Variants in CENPP observed in about 807,000 individuals in gnomAD.
The protein encoded by CENPP is centromere protein P.
Under a neutral mutation model 35.6 loss-of-function variants are expected in CENPP, and 24 were observed. The ratio of observed to expected loss-of-function variants is 0.67; its 90% CI spans 0.49 to 0.95. The LOEUF (loss-of-function observed/expected upper bound fraction) is 0.95, where lower values mean the gene tolerates loss of function less well. CENPP is among the 40% of genes least tolerant of loss of function. The probability of loss-of-function intolerance (pLI) is 0.00; values close to 1 mark genes in which losing one functional copy is unlikely to be tolerated. For missense variants in CENPP, 332 were observed against 345.3 expected, an observed-to-expected ratio of 0.96 and a Z score of 0.31; for synonymous variants, 120 against 125.5, an observed-to-expected ratio of 0.96 and a Z score of 0.29.
intron 5 of CENPP, among the ~76,000 whole-genome samples, chr9:92,538,018 G>T (rs971762674): frequency 6.6e-6 from 1 of 152,106 alleles, no homozygotes; most frequent in Non-Finnish European, 1.5e-5. Context: ...AGGGAAAACA[G>T]AAACTCTCCT....
intron 5 of CENPP, among the ~76,000 whole-genome samples, chr9:92,491,008 A>T (rs1327760047): frequency 1.3e-5 from 2 of 152,134 alleles, no homozygotes; most frequent in Admixed American, 1.3e-4. Context: ...TGACTGGGAG[A>T]TAAAGGAGAT....
chr9:92,491,413 A>G (rs1056151699), intron 5 of CENPP, among the ~76,000 whole-genome samples: 1 of 152,164 alleles, frequency 6.6e-6, no homozygotes, highest in African/African-American at 2.4e-5. Context: ...TCAGATGGAC[A>G]CTGCAGTGAA....
intron 5 of CENPP, among the ~76,000 whole-genome samples, chr9:92,580,130 C>G (rs1371612931): frequency 6.6e-6 from 1 of 152,114 alleles, no homozygotes; most frequent in East Asian, 1.9e-4. Flanking sequence ...ATTGAACCAG[C>G]CTTGCATCCC....
intron 5 of CENPP, among the ~76,000 whole-genome samples, chr9:92,544,433 A>T (rs780457058): frequency 2.0e-5 from 3 of 152,196 alleles, no homozygotes; most frequent in Non-Finnish European, 4.4e-5. Flanking sequence ...CCACGATTGC[A>T]CCACTGCACT....
chr9:92,595,335 G>A (rs1205161262), intron 5 of CENPP, among the ~76,000 whole-genome samples: 1 of 151,966 alleles, frequency 6.6e-6, no homozygotes, highest in Non-Finnish European at 1.5e-5. Flanking sequence ...TCAACCACCT[G>A]GGATCAACTG....
chr9:92,399,253 A>C (rs542014108), intron 5 of CENPP, among the ~76,000 whole-genome samples: 8 of 152,134 alleles, frequency 5.3e-5, no homozygotes, highest in Non-Finnish European at 1.0e-4. Flanking sequence ...TTTTTCAATC[A>C]GATAGGTTAA....
At chr9:92,328,300 T>C (rs577296830) in intron 1 of CENPP, among the ~76,000 whole-genome samples, 4 of 152,324 alleles carry the variant, frequency 2.6e-5, no homozygotes, top group African/African-American at 9.6e-5. Context: ...GGAACCTATG[T>C]ACCAAGCTAT....
At chr9:92,386,718 T>A (rs1247753987) in intron 5 of CENPP, among the ~76,000 whole-genome samples, 1 of 152,158 alleles carries the variant, frequency 6.6e-6, no homozygotes, top group Non-Finnish European at 1.5e-5. Flanking sequence ...CACCAATTTC[T>A]AGCTAAGTGG....
intron 5 of CENPP, among the ~76,000 whole-genome samples, chr9:92,577,292 T>C (rs1850306597): frequency 6.6e-6 from 1 of 152,138 alleles, no homozygotes; most frequent in Non-Finnish European, 1.5e-5. Context: ...GGCAGGCTGA[T>C]CACTTGAGGC....
intron 5 of CENPP, among the ~76,000 whole-genome samples, chr9:92,553,067 C>T (rs557117903): frequency 6.6e-6 from 1 of 151,234 alleles, no homozygotes; most frequent in East Asian, 1.9e-4. Context: ...GTCTTTAATC[C>T]ATCTTGAGTT....
intron 5 of CENPP, among the ~76,000 whole-genome samples, chr9:92,596,784 C>T (rs1850795341): frequency 6.6e-6 from 1 of 152,046 alleles, no homozygotes; most frequent in African/African-American, 2.4e-5. Flanking sequence ...CTGGGCCCCA[C>T]TGTGGCTTTT....
chr9:92,515,313 G>A, intron 5 of CENPP: 2 of 1,285,276 alleles, frequency 1.6e-6, no homozygotes, highest in East Asian at 2.9e-5. Context: ...AAGTATTTGA[G>A]TGCAATTTAA....
chr9:92,437,440 C>T (rs192812267), intron 5 of CENPP, among the ~76,000 whole-genome samples: 8 of 145,966 alleles, frequency 5.5e-5, no homozygotes, highest in Admixed American at 1.4e-4. Context: ...GACAGAGTCT[C>T]GCTATGTTGC....
At chr9:92,577,622 A>G (rs1191226921) in intron 5 of CENPP, among the ~76,000 whole-genome samples, 2 of 152,118 alleles carry the variant, frequency 1.3e-5, no homozygotes, top group Admixed American at 1.3e-4. Context: ...AGTAAGGAAA[A>G]AATCTAAGGG....
chr9:92,539,128 C>T (rs1849255563), intron 5 of CENPP: 1 of 152,150 alleles, frequency 6.6e-6, no homozygotes, highest in African/African-American at 2.4e-5. Flanking sequence ...ATATTAGGTA[C>T]AATGTTCCGG....
At chr9:92,586,973 A>G in intron 5 of CENPP, among the ~76,000 whole-genome samples, 1 of 147,040 alleles carries the variant, frequency 6.8e-6, no homozygotes, top group South Asian at 2.3e-4. Context: ...ATAGAAAGAA[A>G]CAGGAAAGAA....
chr9:92,580,285 C>T (rs902149255), intron 5 of CENPP, among the ~76,000 whole-genome samples: 16 of 152,068 alleles, frequency 1.1e-4, no homozygotes, highest in Admixed American at 5.9e-4. Flanking sequence ...TGTCTCTGCC[C>T]GGCTTTGGTA....
At chr9:92,490,469 T>G (rs758995065) in intron 5 of CENPP, among the ~76,000 whole-genome samples, 2 of 152,218 alleles carry the variant, frequency 1.3e-5, no homozygotes, top group African/African-American at 2.4e-5. Flanking sequence ...CATGGATAGA[T>G]AAATAGTTCA....
chr9:92,619,646 G>C lies in CENPP; in HGVS notation c.*6497G>C. 2 of 1,232,494 alleles carry C rather than the reference G, an allele frequency of 1.6e-6. No homozygotes were observed. The highest frequency in any genetic ancestry group is 2.3e-6 in the Non-Finnish European group (2 of 861,538). 76.3% of individuals were successfully genotyped at this position (1,232,494 alleles called of 1,614,324 possible). A position where few individuals can be genotyped will look rare whatever the true frequency, so the allele number is the denominator to read the frequency against. On this transcript the variant is annotated 3_prime_UTR_variant, in exon 8 of 8. Transcript: ENST00000375587. ...CACAACCTTCCTTCCCAGTAGCCAA[G>C]TGTGGGAACTGCTTCCTGCCTCAGA...
Sources: gnomAD v4.1 joint callset for allele counts (sites outside exome capture counted in the v4.1 genomes callset) on GRCh38, gnomAD v4.1.1 for gene constraint, MANE v1.5 for transcripts, NCBI Gene and HGNC (gene_info 2026-07-23, HGNC 2026-07-21) for gene names.